Variants in PDS5A observed in about 807,000 individuals in gnomAD.
PDS5A encodes PDS5 cohesin associated factor A.
In PDS5A, 42 loss-of-function variants were observed where a neutral mutation model predicts 167.1. The ratio of observed to expected loss-of-function variants is 0.25; its 90% CI spans 0.20 to 0.33. The LOEUF is 0.33. Among genes scored for constraint, PDS5A ranks in the 10% least tolerant of loss-of-function variants. The pLI, the probability that PDS5A is intolerant of heterozygous loss-of-function variation, is 1.00. For synonymous variants in PDS5A, 553 were observed against 554.6 expected, an observed-to-expected ratio of 1.00 and a Z score of 0.04; for missense variants, 1,033 against 1,605.9, an observed-to-expected ratio of 0.64 and a Z score of 6.10.
rs1272781210 is a variant in PDS5A at position 39,977,103 on chromosome 4, T to TG, written c.-41+353dup. Among the ~76,000 whole-genome samples the TG allele has an allele frequency of 1.3e-5, 2 of 152,124 alleles. No homozygotes were observed. Among genetic ancestry groups the TG allele is most frequent in the African/African-American group, 4.8e-5 (2 of 41,442 alleles). ...GCGGCTGCCGGGAACAAAACGCCCT[T>TG]GCCCAGCCGAGCCTCGGACCCGGGG... is the stretch of plus-strand genomic sequence containing the variant. On this transcript the variant is annotated intron_variant, in intron 1 of 32. Transcript: ENST00000303538. This position sits in a 1 kb window ranked among gnomAD's most constrained non-coding sequence, Gnocchi z 4.2.
intron 2 of PDS5A, among the ~76,000 whole-genome samples, chr4:39,960,630 G>C (rs1729393686): frequency 6.6e-6 from 1 of 151,792 alleles, no homozygotes; most frequent in Admixed American, 6.6e-5. Flanking sequence ...CACTGCTCAG[G>C]TGATACTCCC....
intron 25 of PDS5A, among the ~76,000 whole-genome samples, chr4:39,862,603 T>C (rs1395782727): frequency 1.3e-5 from 2 of 152,062 alleles, no homozygotes; most frequent in Non-Finnish European, 2.9e-5. Context: ...TAGGAAAAAA[T>C]TATTTAGTCT....
At chr4:39,949,301 C>CAAAAAAAAA (rs71645201) in intron 2 of PDS5A, among the ~76,000 whole-genome samples, 13 of 93,892 alleles carry the variant, frequency 1.4e-4, no homozygotes, top group Non-Finnish European at 1.6e-4. Flanking sequence ...GAACCTATCT[C>CAAAAAAAAA]AAAAAAAAAA....
intron 2 of PDS5A, among the ~76,000 whole-genome samples, chr4:39,949,821 G>GGAAAAAAAAAAAAAAA (rs747625236): frequency 4.5e-5 from 3 of 67,186 alleles, no homozygotes; most frequent in Non-Finnish European, 5.3e-5. Context: ...CTCTGTCTCA[G>GGAAAAAAAAAAAAAAA]AAAAAAAAAA....
At chr4:39,908,798 C>G (rs1723615780) in intron 10 of PDS5A, 1 of 396,168 alleles carries the variant, frequency 2.5e-6, no homozygotes, top group African/African-American at 2.1e-5. Context: ...CTGAGGCAGG[C>G]AGGCAGGTCG....
intron 2 of PDS5A, among the ~76,000 whole-genome samples, chr4:39,949,948 C>T (rs1238843584): frequency 2.0e-5 from 3 of 151,890 alleles, no homozygotes; most frequent in Non-Finnish European, 4.4e-5. Context: ...TCTTGTTGCC[C>T]AGGATGGAGT....
intron 14 of PDS5A, among the ~76,000 whole-genome samples, chr4:39,899,909 T>C (rs1722733526): frequency 6.6e-6 from 1 of 150,412 alleles, no homozygotes; most frequent in Non-Finnish European, 1.5e-5. Flanking sequence ...AGCATCCATG[T>C]GTCCTTGAGG....
chr4:39,867,733 AACACACACACACACACACACAC>A (rs142147688), intron 22 of PDS5A, among the ~76,000 whole-genome samples: 10 of 130,632 alleles, frequency 7.7e-5, no homozygotes, highest in South Asian at 2.4e-4. Context: ...AAAAAACCAA[AACACACACACACACACACACAC>A]ACACACACAC....
intron 26 of PDS5A, among the ~76,000 whole-genome samples, chr4:39,854,640 T>C (rs1718388712): frequency 6.6e-6 from 1 of 152,186 alleles, no homozygotes; most frequent in African/African-American, 2.4e-5. Flanking sequence ...ACTCCCACAA[T>C]AGCAGAGCAT....
At chr4:39,882,445 T>TA (rs1721012023) in intron 17 of PDS5A, among the ~76,000 whole-genome samples, 4 of 152,258 alleles carry the variant, frequency 2.6e-5, no homozygotes, top group Admixed American at 2.6e-4. Context: ...CTTTGTATTT[T>TA]AAAGATTCAT....
intron 2 of PDS5A, among the ~76,000 whole-genome samples, chr4:39,955,153 A>C (rs1378423527): frequency 6.6e-6 from 1 of 152,198 alleles, no homozygotes; most frequent in Non-Finnish European, 1.5e-5. Context: ...AAAATTAGGA[A>C]TATTAAAGGA....
chr4:39,874,185 G>T, intron 20 of PDS5A, 104 bp downstream of exon 20: 1 of 852,328 alleles, frequency 1.2e-6, no homozygotes. Flanking sequence ...TCTAAGGTAG[G>T]ACTTCATATA....
chr4:39,911,621 G>A (rs972086124), intron 9 of PDS5A, among the ~76,000 whole-genome samples: 6 of 151,666 alleles, frequency 4.0e-5, no homozygotes, highest in South Asian at 2.1e-4. Context: ...TCACGAGGTC[G>A]GGAGATCAAG....
chr4:39,974,481 T>C (rs1202257374), intron 2 of PDS5A: 1 of 276,196 alleles, frequency 3.6e-6, no homozygotes, highest in Non-Finnish European at 7.1e-6. Flanking sequence ...GTGTAACTTT[T>C]AGAAGCATCA....
At chr4:39,888,042 G>C (rs1190145800) in intron 17 of PDS5A, among the ~76,000 whole-genome samples, 1 of 152,084 alleles carries the variant, frequency 6.6e-6, no homozygotes, top group Non-Finnish European at 1.5e-5. Context: ...ACGAGGTCAA[G>C]AGATTGAGAC....
Position 39,898,773 on chromosome 4 carries a change from T to G in PDS5A, c.1630+4A>C. 2 of 1,558,570 alleles carry G rather than the reference T, an allele frequency of 1.3e-6. No individual in the cohort carries two copies. The highest frequency in any genetic ancestry group is 1.8e-6 in the Non-Finnish European group (2 of 1,139,128). ...ATGTTTAGTGAGTAAATAAACATAC[T>G]CACTTGCTATGGTCATCAGTTTTCC... On this transcript the variant is annotated splice_donor_region_variant and intron_variant, in intron 15 of 32. Coordinates refer to ENST00000303538, the MANE Select transcript of PDS5A (RefSeq NM_001100399.2).
intron 25 of PDS5A, 59 bp downstream of exon 25, chr4:39,862,810 C>A (rs188152354): frequency 2.2e-4 from 243 of 1,094,384 alleles, no homozygotes; most frequent in Non-Finnish European, 2.8e-4. Context: ...AAAAAAAAAA[C>A]CTAAAAATGG....
Position 39,917,089 on chromosome 4 carries a change from A to C in PDS5A, c.835T>G (p.Leu279Val). ...AGCTGTGGCATGACGGATAATAATAAATGAGGATCTATAGCAAAAAGTTCC... is the reference window on the plus strand; with the variant it reads ...AGCTGTGGCATGACGGATAATAATACATGAGGATCTATAGCAAAAAGTTCC... ...IQELFAIDPH[L>V]LLSVMPQLEF... Residue 279 changes from leucine to valine, a missense_variant, in exon 8 of 33, where the codon TTA becomes GTA. By Grantham distance (32) the Leu-to-Val change is conservative. Around this residue, in one of 4 missense-constraint regions of PDS5A, gnomAD observed 388 missense variants for 615.1 expected, o/e 0.63. Coordinates refer to ENST00000303538, the MANE Select transcript of PDS5A (RefSeq NM_001100399.2). 1 of 1,552,860 alleles carries C rather than the reference A, an allele frequency of 6.4e-7. No individual in the cohort carries two copies. Among genetic ancestry groups the C allele is most frequent in the Non-Finnish European group, 8.7e-7 (1 of 1,152,060 alleles).
At chr4:39,851,258 A>G (rs1380599786) in intron 26 of PDS5A, among the ~76,000 whole-genome samples, 1 of 152,178 alleles carries the variant, frequency 6.6e-6, no homozygotes, top group Non-Finnish European at 1.5e-5. Context: ...TCTATAAAGA[A>G]TAAGAAAAAT....
Sources: allele counts gnomAD v4.1 joint callset (sites outside exome capture counted in the v4.1 genomes callset), GRCh38; gene constraint gnomAD v4.1.1; regional missense constraint gnomAD v4.1.1; non-coding constraint Gnocchi (gnomAD v3.1); transcripts MANE v1.5; gene names NCBI Gene and HGNC (gene_info 2026-07-23, HGNC 2026-07-21).